SYNE2: variants seen among roughly 807,000 people sequenced by gnomAD.
SYNE2 encodes nesprin-2.
Under a neutral mutation model 856.3 loss-of-function variants are expected in SYNE2, and 431 were observed. The ratio of observed to expected loss-of-function variants is 0.50; its 90% CI spans 0.47 to 0.55. The LOEUF (loss-of-function observed/expected upper bound fraction) is 0.55. Among genes scored for constraint, SYNE2 ranks in the 20% least tolerant of loss-of-function variants. The probability of loss-of-function intolerance (pLI) is 0.00; values close to 1 mark genes in which losing one functional copy is unlikely to be tolerated. For missense variants in SYNE2, 8,129 were observed against 8,023.2 expected (o/e 1.01, Z -0.50); for synonymous variants, 2,923 against 2,872.3 (o/e 1.02, Z -0.56).
Position 64,167,309 on chromosome 14 carries a change from G to A in SYNE2, c.16682G>A (p.Ser5561Asn). ...LNEVSLKLPLSDVAVKTLQNM... is the reference protein window; with the variant it reads ...LNEVSLKLPLNDVAVKTLQNM... ...GAAGTGAGCCTCAAGCTCCCACTTA[G>A]TGACGTAGCTGTGAAGACGTTACAA... Residue 5561 changes from serine (S) to asparagine (N), a missense_variant, in exon 91 of 116, where the codon AGT (serine) becomes AAT (asparagine). By Grantham distance (46) the Ser-to-Asn change is conservative. Coordinates refer to ENST00000555002, the MANE Select transcript of SYNE2 (RefSeq NM_182914.3). 1 of 1,614,218 alleles carries A rather than the reference G, an allele frequency of 6.2e-7. No homozygotes were observed. Among genetic ancestry groups the A allele is most frequent in the Admixed American group, 1.7e-5 (1 of 60,020 alleles).
chr14:63,924,852 T>TTTTTTTTTG lies in SYNE2; in HGVS notation c.79+15633_79+15634insGTTTTTTTT, dbSNP rs1595670946. Reference sequence around the variant, plus strand: ...CCTTGGTGTTTTTTTTTTTTTTTTTTTTTTTTTTTTTGCCTTACTCCAGTG... The same window carrying TTTTTTTTTG: ...CCTTGGTGTTTTTTTTTTTTTTTTTTTTTTTTTTGTTTTTTTTTTTGCCTTACTCCAGTG... On this transcript the variant is annotated intron_variant, in intron 2 of 115. Transcript: ENST00000555002. Among the ~76,000 whole-genome samples, 12 of 138,570 alleles carry TTTTTTTTTG rather than the reference T, an allele frequency of 8.7e-5. No homozygotes were observed. In the East Asian group the frequency reaches 2.5e-3, roughly 29 times the overall value. The allele number at this position is 138,570 out of a possible 152,430, so 90.9% of individuals were successfully genotyped here. A position where few individuals can be genotyped will look rare whatever the true frequency, so the allele number is the denominator to read the frequency against.
At chr14:64,120,659 G>A (rs920741132) in intron 67 of SYNE2, among the ~76,000 whole-genome samples, 92 of 152,178 alleles carry the variant, frequency 6.0e-4, no homozygotes, top group African/African-American at 1.9e-3. Context: ...GCTACTTGGG[G>A]GGCTGAGGCA....
At chr14:63,939,733 A>G (rs1280101921) in intron 2 of SYNE2, among the ~76,000 whole-genome samples, 1 of 152,252 alleles carries the variant, frequency 6.6e-6, no homozygotes. Context: ...TTAGATTCTT[A>G]TAATAATCTC....
intron 2 of SYNE2, among the ~76,000 whole-genome samples, chr14:63,932,793 C>T (rs1003319851): frequency 1.3e-5 from 2 of 152,120 alleles, no homozygotes; most frequent in African/African-American, 4.8e-5. Flanking sequence ...TGCTGGGTGC[C>T]GGCGTTTCTA....
intron 1 of SYNE2, among the ~76,000 whole-genome samples, chr14:63,797,317 G>T (rs1887956614): frequency 6.6e-6 from 1 of 151,544 alleles, no homozygotes; most frequent in African/African-American, 2.4e-5. Context: ...CTTGAACCCA[G>T]GAGGCGGAGG....
chr14:64,010,930 C>G (rs1285572120), intron 32 of SYNE2, among the ~76,000 whole-genome samples: 2 of 152,202 alleles, frequency 1.3e-5, no homozygotes, highest in Non-Finnish European at 2.9e-5. Flanking sequence ...TGAGTCACCA[C>G]GCCTGGCCTT....
Position 63,827,625 on chromosome 14 carries a change from C to CAAAAA in SYNE2, c.-304-24849_-304-24845dup, listed in dbSNP as rs11334415. Among the ~76,000 whole-genome samples the CAAAAA allele has an allele frequency of 8.3e-3, 234 of 28,212 alleles. 2 individuals are homozygous for CAAAAA. The highest frequency in any genetic ancestry group is 0.014 in the East Asian group (7 of 488). 18.5% of individuals were successfully genotyped at this position (28,212 alleles called of 152,430 possible). A position where few individuals can be genotyped will look rare whatever the true frequency, so the allele number is the denominator to read the frequency against. On this transcript the variant is annotated intron_variant, in intron 1 of 23. Transcript: ENST00000674003. Reference sequence around the variant, plus strand: ...GGGCAACAAGATTGAAACTCTGTCTCAAAAAAAAAAAAAAAAAAAAAAAAA... The same window carrying CAAAAA: ...GGGCAACAAGATTGAAACTCTGTCTCAAAAAAAAAAAAAAAAAAAAAAAAAAAAAA...
intron 1 of SYNE2, among the ~76,000 whole-genome samples, chr14:63,785,465 A>G (rs1273859549): frequency 6.6e-6 from 1 of 152,040 alleles, no homozygotes; most frequent in Non-Finnish European, 1.5e-5. Flanking sequence ...CTCAAAAACA[A>G]AACAAAACAA....
intron 23 of SYNE2, among the ~76,000 whole-genome samples, chr14:63,995,466 C>G (rs535015229): frequency 3.3e-4 from 50 of 152,286 alleles, no homozygotes; most frequent in South Asian, 6.2e-4. Context: ...ACTCTGGTCA[C>G]AAATGTGTCA....
chr14:63,809,843 A>G (rs1374678667), intron 1 of SYNE2, among the ~76,000 whole-genome samples: 1 of 152,158 alleles, frequency 6.6e-6, no homozygotes, highest in East Asian at 1.9e-4. Context: ...CTGAAATCAA[A>G]TGGAGGTCTT....
At chr14:64,185,659 T>C (rs1208544402) in intron 96 of SYNE2, among the ~76,000 whole-genome samples, 1 of 151,872 alleles carries the variant, frequency 6.6e-6, no homozygotes, top group South Asian at 2.1e-4. Context: ...TAGCTAGGAT[T>C]ACAGGCGCGC....
chr14:63,761,745 C>T (rs578088978), upstream of SYNE2, among the ~76,000 whole-genome samples: 1 of 152,334 alleles, frequency 6.6e-6, no homozygotes, highest in East Asian at 1.9e-4. Context: ...AATGAGCCTC[C>T]TCCTTCTGCT....
chr14:64,209,881 G>A, intron 102 of SYNE2, 61 bp from the exon 103 acceptor site: 2 of 1,609,656 alleles, frequency 1.2e-6, no homozygotes, highest in Non-Finnish European at 8.5e-7. Flanking sequence ...GGATGTAGAA[G>A]GGAAGGAGGG....
chr14:63,912,838 T>C (rs2095489118), intron 2 of SYNE2, among the ~76,000 whole-genome samples: 1 of 152,240 alleles, frequency 6.6e-6, no homozygotes, highest in African/African-American at 2.4e-5. Flanking sequence ...CCGAAATTCA[T>C]AGAGCAGGAC....
chr14:63,977,942 T>G lies in SYNE2; in HGVS notation c.1331T>G (p.Leu444Arg). 3 of 1,613,956 alleles carry G rather than the reference T, an allele frequency of 1.9e-6. No homozygotes were observed. The highest frequency in any genetic ancestry group is 2.5e-6 in the Non-Finnish European group (3 of 1,179,888). The change falls in exon 13 of 116, where the codon CTC becomes CGC. Residue 444 changes from leucine to arginine, a missense_variant. Leu to Arg is a moderately radical substitution (Grantham distance 102). Transcript: ENST00000555002. ...MDRFEHHSNI[L>R]LTFENKDENH... ...AGATTTGAGCATCATTCGAACATTC[T>G]CCTTACCTTTGAAAATAAGGATGAA...
In SYNE2 at chr14:64,024,970, A is replaced by T; in HGVS notation, c.5899A>T (p.Lys1967Ter). The change falls in exon 40 of 116, where the codon AAA becomes TAA. Residue 1967 changes from lysine (K) to a stop codon, truncating the protein, a stop_gained. Coordinates refer to ENST00000555002, the MANE Select transcript of SYNE2 (RefSeq NM_182914.3). LOFTEE classifies it high-confidence loss of function. ...KWLTNQEEKW[K>*]GMEEPGEKTE... ...GTTGACTAATCAAGAAGAGAAATGG[A>T]AAGGAATGGAAGAACCAGGGGAGAA... The T allele has an allele frequency of 6.2e-7, 1 of 1,614,032 alleles. No homozygotes were observed. Among genetic ancestry groups the T allele is most frequent in the Non-Finnish European group, 8.5e-7 (1 of 1,179,930 alleles).
At chr14:64,016,338 A>C (rs1270513664) in intron 32 of SYNE2, 135 bp from the exon 33 acceptor site, 1 of 611,742 alleles carries the variant, frequency 1.6e-6, no homozygotes, top group Non-Finnish European at 2.8e-6. Flanking sequence ...ACGTACTTTA[A>C]AAAAGAACAA....
At chr14:63,936,383 A>G (rs1256165244) in intron 2 of SYNE2, among the ~76,000 whole-genome samples, 2 of 152,196 alleles carry the variant, frequency 1.3e-5, no homozygotes, top group East Asian at 3.9e-4. Flanking sequence ...CTAGGGAAAG[A>G]GAATAGAGCA....
At chr14:64,070,943 G>T in intron 52 of SYNE2, 33 bp downstream of exon 52, 1 of 1,611,532 alleles carries the variant, frequency 6.2e-7, no homozygotes, top group African/African-American at 1.3e-5. Flanking sequence ...AAGGACGTGT[G>T]CTTGACAATT....
Sources: allele counts gnomAD v4.1 joint callset (sites outside exome capture counted in the v4.1 genomes callset), GRCh38; gene constraint gnomAD v4.1.1; transcripts MANE v1.5; gene names NCBI Gene and HGNC (gene_info 2026-07-23, HGNC 2026-07-21).